The following SKAP2 variants were observed in gnomAD, a reference collection of about 807,000 sequenced individuals.
The protein encoded by SKAP2 is src kinase associated phosphoprotein 2.
In SKAP2, 28 loss-of-function variants were observed where a neutral mutation model predicts 54.9. The ratio of observed to expected loss-of-function variants is 0.51; its 90% CI spans 0.38 to 0.70. The LOEUF (loss-of-function observed/expected upper bound fraction) is 0.70. Ranked by LOEUF, SKAP2 falls within the 30% of genes least tolerant of loss-of-function variation. The pLI, the probability that SKAP2 is intolerant of heterozygous loss-of-function variation, is 0.00. For missense variants in SKAP2, 356 were observed against 424.1 expected, an observed-to-expected ratio of 0.84 and a Z score of 1.41; for synonymous variants, 137 against 134.3, an observed-to-expected ratio of 1.02 and a Z score of -0.14.
At chr7:26,711,282 GT>G (rs939272228) in intron 9 of SKAP2, among the ~76,000 whole-genome samples, 8 of 151,592 alleles carry the variant, frequency 5.3e-5, no homozygotes, top group Non-Finnish European at 7.4e-5. Flanking sequence ...TCTTTTAATT[GT>G]TTTTTTTCTA....
intron 4 of SKAP2, among the ~76,000 whole-genome samples, chr7:26,775,530 C>CGTGT (rs59902431): frequency 4.3e-4 from 63 of 146,300 alleles, no homozygotes; most frequent in African/African-American, 1.6e-3. Context: ...TTTACTTGTA[C>CGTGT]GTGTGTGTGT....
At chr7:26,659,613 C>T in the SKAP2 span, among the ~76,000 whole-genome samples, 3 of 152,066 alleles carry the variant, frequency 2.0e-5, no homozygotes, top group East Asian at 1.9e-4. Flanking sequence ...TGTTTATTTG[C>T]AGGGAGCTGT....
chr7:26,843,970 C>T lies in SKAP2; in HGVS notation c.307+60G>A, dbSNP rs189910958. ...CATCTGCTTTCTCATAAAACTACCA[C>T]CCATATATATAGCATTGTTTTGTGT... On this transcript the variant is annotated intron_variant, in intron 4 of 12. Transcript: ENST00000345317. 73 of 1,056,120 alleles carry T rather than the reference C, an allele frequency of 6.9e-5. 3 individuals are homozygous for T. In the Admixed American group the frequency reaches 1.2e-3, roughly 17 times the overall value. The allele number at this position is 1,056,120 out of a possible 1,614,324, so 65.4% of individuals were successfully genotyped here. A position where few individuals can be genotyped will look rare whatever the true frequency, so the allele number is the denominator to read the frequency against.
At chr7:26,860,006 C>T (rs575272288) in intron 1 of SKAP2, among the ~76,000 whole-genome samples, 6 of 152,158 alleles carry the variant, frequency 3.9e-5, no homozygotes, top group Non-Finnish European at 8.8e-5. Context: ...TCACCAGCAG[C>T]TTTTCCTACT....
chr7:26,798,806 CT>C (rs1196389960), intron 4 of SKAP2, among the ~76,000 whole-genome samples: 1 of 152,066 alleles, frequency 6.6e-6, no homozygotes, highest in African/African-American at 2.4e-5. Context: ...TTGCTTTTTG[CT>C]TGGTTGTTTG....
intron 6 of SKAP2, among the ~76,000 whole-genome samples, chr7:26,737,540 G>A (rs1302658212): frequency 6.6e-6 from 1 of 151,880 alleles, no homozygotes; most frequent in Non-Finnish European, 1.5e-5. Flanking sequence ...TTAGAATGGG[G>A]GAAAAAACTC....
chr7:26,732,541 T>C (rs1227319005), intron 6 of SKAP2, among the ~76,000 whole-genome samples: 6 of 152,214 alleles, frequency 3.9e-5, no homozygotes, highest in Admixed American at 3.9e-4. Context: ...ATATGAAATG[T>C]GTTCAGCAAT....
At chr7:26,699,128 G>T (rs2127945308) in intron 9 of SKAP2, among the ~76,000 whole-genome samples, 1 of 152,286 alleles carries the variant, frequency 6.6e-6, no homozygotes, top group South Asian at 2.1e-4. Context: ...AGTATGAAAA[G>T]TTCATTGGTA....
At chr7:26,665,779 G>A (rs557178995), downstream of SKAP2, among the ~76,000 whole-genome samples, 18 of 152,198 alleles carry the variant, frequency 1.2e-4, no homozygotes, top group Admixed American at 3.3e-4. Flanking sequence ...AGCAGTAGGC[G>A]TATAATAAAC....
chr7:26,845,692 A>G (rs2127996324), intron 3 of SKAP2, among the ~76,000 whole-genome samples: 1 of 152,328 alleles, frequency 6.6e-6, no homozygotes, highest in Non-Finnish European at 1.5e-5. Context: ...GCTACTCAGC[A>G]TGCTTGAGGC....
Position 26,864,468 on chromosome 7 carries a change from T to C in SKAP2, c.-39A>G, listed in dbSNP as rs779418689. ...GGGCGTGCGGGGAAAGGACCTGCGC[T>C]GAAAAGGTGACCGACGGGGTGGGGC... is the stretch of plus-strand genomic sequence containing the variant. On this transcript the variant is annotated 5_prime_UTR_variant, in exon 1 of 13. Coordinates refer to ENST00000345317, the MANE Select transcript of SKAP2 (RefSeq NM_003930.5). 8 of 1,564,306 alleles carry C rather than the reference T, an allele frequency of 5.1e-6. No individual in the cohort carries two copies. The Admixed American group carries it at 1.3e-4, about 26-fold the overall frequency.
chr7:26,708,770 ATT>A (rs1485624614), intron 9 of SKAP2, among the ~76,000 whole-genome samples: 8 of 151,910 alleles, frequency 5.3e-5, no homozygotes, highest in Non-Finnish European at 8.8e-5. Context: ...ATTTCTTATC[ATT>A]TGTTATATTT....
intron 4 of SKAP2, among the ~76,000 whole-genome samples, chr7:26,751,686 C>T (rs561794261): frequency 1.3e-5 from 2 of 152,228 alleles, no homozygotes; most frequent in East Asian, 3.9e-4. Flanking sequence ...TTCCTTCCAC[C>T]TAAAACAAGA....
intron 10 of SKAP2, among the ~76,000 whole-genome samples, chr7:26,687,980 A>T (rs1786685673): frequency 6.6e-6 from 1 of 152,188 alleles, no homozygotes; most frequent in African/African-American, 2.4e-5. Flanking sequence ...AGCATGAATG[A>T]TTAAAAAAAG....
intron 4 of SKAP2, among the ~76,000 whole-genome samples, chr7:26,805,306 G>C (rs1784002914): frequency 6.6e-6 from 1 of 152,156 alleles, no homozygotes; most frequent in African/African-American, 2.4e-5. Flanking sequence ...AATTATTTCT[G>C]TTACCAGTGA....
intron 4 of SKAP2, among the ~76,000 whole-genome samples, chr7:26,829,114 A>G (rs1784553430): frequency 6.6e-6 from 1 of 152,210 alleles, no homozygotes; most frequent in Admixed American, 6.5e-5. Context: ...TTGTGCTTCA[A>G]GGATACCATC....
At chr7:26,781,040 GTTTAT>G (rs1374933320) in intron 4 of SKAP2, among the ~76,000 whole-genome samples, 1 of 152,098 alleles carries the variant, frequency 6.6e-6, no homozygotes, top group African/African-American at 2.4e-5. Context: ...ATTTACCAAT[GTTTAT>G]TTTATAAGAT....
intron 4 of SKAP2, among the ~76,000 whole-genome samples, chr7:26,829,370 C>CA (rs1271009140): frequency 2.0e-5 from 3 of 152,016 alleles, no homozygotes; most frequent in Non-Finnish European, 2.9e-5. Flanking sequence ...CCTGTCTCTA[C>CA]AAAAAAATTA....
At chr7:26,819,286 CT>C (rs529900352) in intron 4 of SKAP2, among the ~76,000 whole-genome samples, 284 of 152,236 alleles carry the variant, frequency 1.9e-3, no homozygotes, top group African/African-American at 6.1e-3. Context: ...ATGGATGAAG[CT>C]GGAAACCATC....
Sources: gnomAD v4.1 joint callset for allele counts (sites outside exome capture counted in the v4.1 genomes callset) on GRCh38, gnomAD v4.1.1 for gene constraint, MANE v1.5 for transcripts, NCBI Gene and HGNC (gene_info 2026-07-23, HGNC 2026-07-21) for gene names.